The following NCAPH2 variants were observed in gnomAD, a reference collection of about 807,000 sequenced individuals.
NCAPH2 encodes non-SMC condensin II complex subunit H2, also known as condensin-2 complex subunit H2.
NCAPH2 carries 56 observed loss-of-function variants against 88.6 expected under a neutral mutation model. That is an observed-to-expected ratio of 0.63 (90% CI 0.51 to 0.79). NCAPH2 has a LOEUF of 0.79. NCAPH2 is among the 30% of genes least tolerant of loss of function. The pLI is 0.00. For synonymous variants in NCAPH2, 378 were observed against 313.6 expected, an observed-to-expected ratio of 1.21 and a Z score of -2.17; for missense variants, 794 against 792.0, an observed-to-expected ratio of 1.00 and a Z score of -0.03.
In NCAPH2 at chr22:50,521,004, G is replaced by A. The variant is rs1253925966; in HGVS notation, c.901G>A (p.Glu301Lys). Residue 301 changes from glutamate (E) to lysine (K), a missense_variant, in exon 10 of 20, where the codon GAG becomes AAG. By Grantham distance (56) the Glu-to-Lys change is moderately conservative (BLOSUM62 1). Transcript: ENST00000420993. ...CAGGAGGTACATGCTGCGGGAGCGG[G>A]AGGGGGCCCCAGAGCCTGCATCCTG... ...LPRRYMLRER[E>K]GAPEPASCVK... 6.4e-7 allele frequency: 1 copy of A among 1,550,850 alleles called. No individual in the cohort carries two copies. Among genetic ancestry groups the A allele is most frequent in the Non-Finnish European group, 8.7e-7 (1 of 1,146,966 alleles).
rs759413805 is a variant in NCAPH2 at position 50,524,601 on chromosome 22, C to T, written c.*1226C>T. On this transcript the variant is annotated 3_prime_UTR_variant, in exon 20 of 20. Coordinates refer to ENST00000420993, the MANE Select transcript of NCAPH2 (RefSeq NM_152299.4). ...CTCCACCTCCACCAAACATCCACAC[C>T]TGGGCAACCACACCTGTCACTCCTG... 3.6e-5 allele frequency: 26 copies of T among 720,338 alleles called. No homozygotes were observed. The highest frequency in any genetic ancestry group is 1.6e-4 in the Admixed American group (8 of 49,858). 44.6% of individuals were successfully genotyped at this position (720,338 alleles called of 1,614,324 possible).
intron 2 of NCAPH2, among the ~76,000 whole-genome samples, chr22:50,517,214 G>T (rs1447739014): frequency 6.6e-6 from 1 of 152,252 alleles, no homozygotes; most frequent in Non-Finnish European, 1.5e-5. Context: ...AGAGGGCAGA[G>T]GAGAGATGTG....
Position 50,524,489 on chromosome 22 carries a change from T to TG in NCAPH2, c.*1115dup. The TG allele has an allele frequency of 6.7e-7, 1 of 1,482,602 alleles. No individual in the cohort carries two copies. The highest frequency in any genetic ancestry group is 9.3e-7 in the Non-Finnish European group (1 of 1,075,156). 91.8% of individuals were successfully genotyped at this position (1,482,602 alleles called of 1,614,324 possible). A position where few individuals can be genotyped will look rare whatever the true frequency, so the allele number is the denominator to read the frequency against. On this transcript the variant is annotated 3_prime_UTR_variant, in exon 20 of 20. Coordinates refer to ENST00000420993, the MANE Select transcript of NCAPH2 (RefSeq NM_152299.4). ...CCCAGGACAGTGCCTGGGCTGCCCC[T>TG]GCGACTTGAGACCAGCCACCCATCT...
intron 9 of NCAPH2, chr22:50,520,754 G>A (rs1447939413): frequency 3.7e-6 from 2 of 537,726 alleles, no homozygotes; most frequent in Non-Finnish European, 6.6e-6. Context: ...TAGAGGCGGG[G>A]GTTTCACCAT....
chr22:50,524,040 C>T lies in NCAPH2; in HGVS notation c.*665C>T. On this transcript the variant is annotated 3_prime_UTR_variant, in exon 20 of 20. Coordinates refer to ENST00000420993, the MANE Select transcript of NCAPH2 (RefSeq NM_152299.4). ...AGTGAGTGAAGCCAAAGTACATCAG[C>T]ACCCACTGGCCCCGGAAGTCAGCCT... The T allele has an allele frequency of 1.2e-6, 2 of 1,613,528 alleles. No individual in the cohort carries two copies. The highest frequency in any genetic ancestry group is 2.2e-5 in the South Asian group (2 of 91,088).
At chr22:50,517,402 CT>C (rs1218546225) in intron 2 of NCAPH2, 24 bp from the exon 3 acceptor site, 2 of 1,613,640 alleles carry the variant, frequency 1.2e-6, no homozygotes, top group Non-Finnish European at 1.7e-6. Context: ...TTTCTGGGTC[CT>C]CACTGCCTGC....
chr22:50,515,629 C>A (rs2068896060), intron 1 of NCAPH2: 1 of 990,016 alleles, frequency 1.0e-6, no homozygotes, highest in Middle Eastern at 3.6e-4. Flanking sequence ...ATCTCCTGAC[C>A]TCATGATCTG....
At chr22:50,523,192 G>C in intron 19 of NCAPH2, 26 bp downstream of exon 19, 2 of 1,613,692 alleles carry the variant, frequency 1.2e-6, no homozygotes, top group Non-Finnish European at 1.7e-6. Context: ...TACGTGGGAG[G>C]GGGAGACGGT....
At chr22:50,516,421 C>T in intron 1 of NCAPH2, 26 bp from the exon 2 acceptor site, 1 of 1,611,158 alleles carries the variant, frequency 6.2e-7, no homozygotes, top group East Asian at 2.2e-5. Context: ...CTTGGATTCC[C>T]CCTGTCTTTG....
At position 50,508,440 on chromosome 22, in the gene NCAPH2, G is replaced by T; in HGVS notation, c.103G>T (p.Glu35Ter). ...DVAAQLGEYLEELDQICISFD... is the reference protein window; with the variant it reads ...DVAAQLGEYL ...GGCGGCCCAGCTGGGCGAGTATCTGGAGGAGGTAAGGGCGGCGGGGGAGTG... is the reference window on the plus strand; with the variant it reads ...GGCGGCCCAGCTGGGCGAGTATCTGTAGGAGGTAAGGGCGGCGGGGGAGTG... Residue 35 changes from glutamate to a stop codon, truncating the protein, a stop_gained, in exon 1 of 20, where the codon GAG (glutamate) becomes TAG (stop). Coordinates refer to ENST00000420993, the MANE Select transcript of NCAPH2 (RefSeq NM_152299.4). LOFTEE classifies it high-confidence loss of function. The T allele has an allele frequency of 1.4e-6, 2 of 1,432,482 alleles. No individual in the cohort carries two copies. Among genetic ancestry groups the T allele is most frequent in the Non-Finnish European group, 1.8e-6 (2 of 1,089,140 alleles). The allele number at this position is 1,432,482 out of a possible 1,614,324, so 88.7% of individuals were successfully genotyped here.
At chr22:50,512,653 T>G (rs550685896) in intron 1 of NCAPH2, among the ~76,000 whole-genome samples, 2 of 151,382 alleles carry the variant, frequency 1.3e-5, no homozygotes, top group South Asian at 2.1e-4. Context: ...CAGGCTCAAG[T>G]GATCCTCCCA....
intron 12 of NCAPH2, 26 bp from the exon 13 acceptor site, chr22:50,521,960 C>T (rs754152982): frequency 6.2e-7 from 1 of 1,613,858 alleles, no homozygotes; most frequent in Non-Finnish European, 8.5e-7. Context: ...CTTGGCCTGG[C>T]TGGTGCTGAG....
intron 2 of NCAPH2, 118 bp downstream of exon 2, chr22:50,516,666 AG>A: frequency 1.2e-6 from 1 of 831,368 alleles, no homozygotes; most frequent in Non-Finnish European, 2.0e-6. Context: ...CTCTCTCCTC[AG>A]GTCTCAGCCA....
Position 50,516,458 on chromosome 22 carries a change from C to A in NCAPH2, c.120C>A (p.Ile40=). Residue 40 remains isoleucine, a synonymous_variant, in exon 2 of 20, where the codon ATC becomes ATA. Transcript: ENST00000420993. ...LGEYLEELDQ[I]CISFDEGKTT... is the part of the protein sequence containing the mutation. ...GTTGTTTCTTGCAGCTGGATCAGAT[C>A]TGCATTTCTTTTGACGAAGGCAAGA... 1 of 1,614,178 alleles carries A rather than the reference C, an allele frequency of 6.2e-7. No homozygotes were observed. The highest frequency in any genetic ancestry group is 1.3e-5 in the African/African-American group (1 of 75,050).
At chr22:50,521,925 C>G in intron 12 of NCAPH2, 61 bp from the exon 13 acceptor site, 1 of 1,613,488 alleles carries the variant, frequency 6.2e-7, no homozygotes, top group Non-Finnish European at 8.5e-7. Flanking sequence ...GGATCAGCAC[C>G]CTTTTCCCAA....
Position 50,523,136 on chromosome 22 carries a change from G to A in NCAPH2, c.1647G>A (p.Val549=), listed in dbSNP as rs1006356818. Residue 549 remains valine, a synonymous_variant, in exon 19 of 20, where the codon GTG becomes GTA. Transcript: ENST00000420993. Reference sequence around the variant, plus strand: ...TGGCTGGCCAGCCGGCCTTCGAGGTGTGTCGTTCCATGCTGGCCTCCCTGC... The same window carrying A: ...TGGCTGGCCAGCCGGCCTTCGAGGTATGTCGTTCCATGCTGGCCTCCCTGC... ...ELVAGQPAFE[V]CRSMLASLQL... 1.9e-6 allele frequency: 3 copies of A among 1,613,764 alleles called. No homozygotes were observed. Among genetic ancestry groups the A allele is most frequent in the Non-Finnish European group, 2.5e-6 (3 of 1,179,900 alleles).
chr22:50,521,079 C>T (rs945440495), intron 10 of NCAPH2, 43 bp downstream of exon 10: 38 of 1,541,908 alleles, frequency 2.5e-5, no homozygotes, highest in African/African-American at 4.1e-5. Context: ...GAGGGATGGG[C>T]GGATTCGAGG....
At chr22:50,518,314 A>G in intron 7 of NCAPH2, 36 bp downstream of exon 7, 1 of 1,602,658 alleles carries the variant, frequency 6.2e-7, no homozygotes, top group Non-Finnish European at 8.5e-7. Flanking sequence ...GGTGGGAAGG[A>G]AGGGAGGGTC....
At chr22:50,516,195 G>C (rs375509932) in intron 1 of NCAPH2, among the ~76,000 whole-genome samples, 2 of 152,174 alleles carry the variant, frequency 1.3e-5, no homozygotes, top group African/African-American at 2.4e-5. Context: ...GTGCTGCCCT[G>C]GTTGTTTGTA....
Sources: gnomAD v4.1 joint callset for allele counts (sites outside exome capture counted in the v4.1 genomes callset) on GRCh38, gnomAD v4.1.1 for gene constraint, MANE v1.5 for transcripts, NCBI Gene and HGNC (gene_info 2026-07-23, HGNC 2026-07-21) for gene names.